The following PDE4D variants were observed in gnomAD, a reference collection of about 807,000 sequenced individuals.
The protein encoded by PDE4D is phosphodiesterase 4D, also known as 3',5'-cyclic-AMP phosphodiesterase 4D.
Under a neutral mutation model 87.4 loss-of-function variants are expected in PDE4D, and 24 were observed. The ratio of observed to expected loss-of-function variants is 0.27; its 90% confidence interval spans 0.20 to 0.39. PDE4D has a LOEUF of 0.39. PDE4D is among the 10% of genes least tolerant of loss of function. The probability of loss-of-function intolerance (pLI) is 1.00; values close to 1 mark genes in which losing one functional copy is unlikely to be tolerated. For synonymous variants in PDE4D, 384 were observed against 383.2 expected (o/e 1.00, Z -0.02); for missense variants, 714 against 1,041.0 (o/e 0.69, Z 4.32).
chr5:60,400,026 T>A (rs1311187593), intron 1 of PDE4D, among the ~76,000 whole-genome samples: 1 of 152,212 alleles, frequency 6.6e-6, no homozygotes, highest in Non-Finnish European at 1.5e-5. Flanking sequence ...TCAGGCCATA[T>A]CAGGACCCCT....
At chr5:59,972,179 C>A (rs1760846210) in intron 3 of PDE4D, among the ~76,000 whole-genome samples, 1 of 152,186 alleles carries the variant, frequency 6.6e-6, no homozygotes, top group African/African-American at 2.4e-5. Flanking sequence ...TATAGACCCT[C>A]CCTCTGTCTG....
intron 1 of PDE4D, among the ~76,000 whole-genome samples, chr5:59,724,571 T>A (rs1756322085): frequency 6.6e-6 from 1 of 152,114 alleles, no homozygotes; most frequent in African/African-American, 2.4e-5. Context: ...TATTTATACT[T>A]AATTATGCAT....
chr5:60,041,864 C>A (rs1448888238), intron 2 of PDE4D, among the ~76,000 whole-genome samples: 1 of 151,760 alleles, frequency 6.6e-6, no homozygotes, highest in East Asian at 1.9e-4. Context: ...TTTAAGCACA[C>A]AACTGGGTGG....
intron 1 of PDE4D, among the ~76,000 whole-genome samples, chr5:59,253,130 A>G (rs545992572): frequency 2.4e-4 from 36 of 152,232 alleles, no homozygotes; most frequent in African/African-American, 7.5e-4. Context: ...TTTTTACAAC[A>G]TAAAATTCTT....
chr5:59,242,244 A>G (rs2153523054), intron 1 of PDE4D, among the ~76,000 whole-genome samples: 1 of 152,240 alleles, frequency 6.6e-6, no homozygotes, highest in Non-Finnish European at 1.5e-5. Context: ...GGGGAAATTT[A>G]CTGTGCAAAT....
At chr5:59,396,159 C>G (rs1789377158) in intron 1 of PDE4D, among the ~76,000 whole-genome samples, 1 of 119,018 alleles carries the variant, frequency 8.4e-6, no homozygotes, top group Admixed American at 8.2e-5. Flanking sequence ...AAACACTCTG[C>G]AGGATATTAT....
At chr5:59,155,487 G>T (rs1283778635) in intron 5 of PDE4D, among the ~76,000 whole-genome samples, 1 of 152,212 alleles carries the variant, frequency 6.6e-6, no homozygotes, top group Non-Finnish European at 1.5e-5. Flanking sequence ...TTGTGAGAAA[G>T]TCGTACTACA....
chr5:59,987,259 G>A (rs1372399009), intron 3 of PDE4D: 2 of 152,138 alleles, frequency 1.3e-5, no homozygotes, highest in East Asian at 1.9e-4. Context: ...TTCAAAAAAT[G>A]TTCAGGTCAA....
In PDE4D at chr5:59,609,736, G is replaced by T. The variant is rs144025822; in HGVS notation, c.455+283432C>A. On this transcript the variant is annotated intron_variant, in intron 1 of 14. Transcript: ENST00000340635. ...CCATTCTCACTAAAACAGAAAATGGGTCTCTGACTAAGAATTCACTCTACA... is the reference window on the plus strand; with the variant it reads ...CCATTCTCACTAAAACAGAAAATGGTTCTCTGACTAAGAATTCACTCTACA... Among the ~76,000 whole-genome samples the T allele has an allele frequency of 8.2e-4, 125 of 152,250 alleles. 1 individual carries two copies. The Middle Eastern group carries it at 0.01, about 12-fold the overall frequency.
At chr5:60,048,053 A>T (rs906857900) in intron 2 of PDE4D, among the ~76,000 whole-genome samples, 4 of 152,044 alleles carry the variant, frequency 2.6e-5, no homozygotes, top group Non-Finnish European at 4.4e-5. Context: ...GTGCTCCTGT[A>T]TTGGGTGCAT....
chr5:59,121,915 G>A (rs1200089444), intron 5 of PDE4D, among the ~76,000 whole-genome samples: 7 of 152,036 alleles, frequency 4.6e-5, no homozygotes, highest in African/African-American at 1.2e-4. Context: ...AGGCCGAGAC[G>A]GGCGGATCAC....
chr5:59,246,267 G>T (rs1324806852), intron 1 of PDE4D, among the ~76,000 whole-genome samples: 1 of 151,912 alleles, frequency 6.6e-6, no homozygotes, highest in African/African-American at 2.4e-5. Flanking sequence ...ACCTCTCTGA[G>T]GTTTCTTCAA....
At chr5:59,019,564 C>G (rs946809479) in intron 6 of PDE4D, among the ~76,000 whole-genome samples, 2 of 152,058 alleles carry the variant, frequency 1.3e-5, no homozygotes, top group African/African-American at 4.8e-5. Context: ...CCAGAATGCC[C>G]ACTACCCTCC....
At chr5:59,996,748 T>C (rs1763560551) in intron 2 of PDE4D, among the ~76,000 whole-genome samples, 1 of 152,190 alleles carries the variant, frequency 6.6e-6, no homozygotes, top group Non-Finnish European at 1.5e-5. Flanking sequence ...AAAAGGGCAT[T>C]GTATCGACTT....
chr5:60,300,664 C>T (rs985306635), intron 1 of PDE4D, among the ~76,000 whole-genome samples: 3 of 152,164 alleles, frequency 2.0e-5, no homozygotes, highest in Non-Finnish European at 4.4e-5. Context: ...GGAATGCTTT[C>T]CCCATTGCTT....
At chr5:60,041,986 A>C (rs1378797771) in intron 2 of PDE4D, among the ~76,000 whole-genome samples, 1 of 152,060 alleles carries the variant, frequency 6.6e-6, no homozygotes, top group Non-Finnish European at 1.5e-5. Flanking sequence ...AGGGGGCTGA[A>C]ACCAAGGAGC....
chr5:60,239,739 G>T (rs926917788), intron 1 of PDE4D, among the ~76,000 whole-genome samples: 2 of 151,908 alleles, frequency 1.3e-5, no homozygotes, highest in Non-Finnish European at 1.5e-5. Context: ...GTCTTTTGCT[G>T]GGTTACACAA....
At chr5:59,967,309 T>C (rs1274821013) in intron 3 of PDE4D, among the ~76,000 whole-genome samples, 1 of 151,928 alleles carries the variant, frequency 6.6e-6, no homozygotes, top group East Asian at 1.9e-4. Context: ...GCAAAGAAAC[T>C]AACAGAGTAA....
At chr5:59,736,963 T>A (rs890603274) in intron 1 of PDE4D, among the ~76,000 whole-genome samples, 2 of 152,174 alleles carry the variant, frequency 1.3e-5, no homozygotes, top group Non-Finnish European at 2.9e-5. Context: ...ATCAGAAAAT[T>A]ACCTGTTAAC....
Sources: gnomAD v4.1 joint callset for allele counts (sites outside exome capture counted in the v4.1 genomes callset) on GRCh38, gnomAD v4.1.1 for gene constraint, MANE v1.5 for transcripts, NCBI Gene and HGNC (gene_info 2026-07-23, HGNC 2026-07-21) for gene names.